PCDH11X: variants seen among roughly 807,000 people sequenced by gnomAD.
PCDH11X encodes protocadherin 11 X-linked, also known as protocadherin-11 X-linked.
PCDH11X carries 18 observed loss-of-function variants against 53.3 expected under a neutral mutation model. That is an observed-to-expected ratio of 0.34 (90% CI 0.23 to 0.50). The LOEUF is 0.50. Ranked by LOEUF, PCDH11X falls within the 20% of genes least tolerant of loss-of-function variation. The pLI, the probability that PCDH11X is intolerant of heterozygous loss-of-function variation, is 0.98. For synonymous variants in PCDH11X, 279 were observed against 393.3 expected (o/e 0.71, Z 3.44); for missense variants, 570 against 1,032.4 (o/e 0.55, Z 6.14).
chrX:92,527,903 A>G (rs1242868730), intron 10 of PCDH11X, among the ~76,000 whole-genome samples: 2 of 112,264 alleles, frequency 1.8e-5, no homozygotes, highest in African/African-American at 6.5e-5. Flanking sequence ...AACAAATTAT[A>G]GATTTATTAT....
At chrX:92,167,313 G>A (rs1348344425) in intron 6 of PCDH11X, among the ~76,000 whole-genome samples, 3 of 111,571 alleles carry the variant, frequency 2.7e-5, no homozygotes, top group African/African-American at 9.8e-5. Context: ...AAAAAAAATA[G>A]GCAAACTAGG....
At chrX:92,602,916 T>TA (rs1926392891) in intron 10 of PCDH11X, among the ~76,000 whole-genome samples, 1 of 83,839 alleles carries the variant, frequency 1.2e-5, no homozygotes, top group Non-Finnish European at 2.1e-5. Flanking sequence ...CAACAAAAAC[T>TA]AACTGTGAGA....
intron 8 of PCDH11X, among the ~76,000 whole-genome samples, chrX:92,281,255 T>C (rs1047493281): frequency 8.9e-6 from 1 of 111,978 alleles, no homozygotes; most frequent in African/African-American, 3.2e-5. Context: ...GTCCTTCTGA[T>C]AAACACACAT....
rs191351371 is a variant in PCDH11X, at chrX:91,927,496, C to A, written c.3033+48223C>A. Reference sequence around the variant, plus strand: ...ATCCAGCCTTTTAGCCTTTAGAGACCATGCTCTTGGCAATTAAACTATAAA... The same window carrying A: ...ATCCAGCCTTTTAGCCTTTAGAGACAATGCTCTTGGCAATTAAACTATAAA... On this transcript the variant is annotated intron_variant, in intron 6 of 10. Transcript: ENST00000682573. Among the ~76,000 whole-genome samples the A allele has an allele frequency of 6.7e-3, 738 of 110,576 alleles. 4 individuals are homozygous for A. The highest frequency in any genetic ancestry group is 0.022 in the African/African-American group (677 of 30,564).
intron 5 of PCDH11X, among the ~76,000 whole-genome samples, chrX:91,875,519 C>A (rs975009526): frequency 1.1e-4 from 12 of 108,911 alleles, no homozygotes; most frequent in Admixed American, 2.0e-4. Flanking sequence ...TCTCGATCTC[C>A]TGACCTCGTG....
chrX:91,932,669 T>TGA (rs1191068838), intron 6 of PCDH11X, among the ~76,000 whole-genome samples: 18 of 68,815 alleles, frequency 2.6e-4, no homozygotes, highest in Admixed American at 1.2e-3. Context: ...CTGCATTGTG[T>TGA]GAGTGTGTGT....
intron 7 of PCDH11X, among the ~76,000 whole-genome samples, chrX:92,245,525 A>T (rs1371536640): frequency 8.9e-6 from 1 of 112,663 alleles, no homozygotes; most frequent in African/African-American, 3.2e-5. Context: ...AGGAGACTCT[A>T]ATCTCTGTGA....
At chrX:92,157,920 A>G (rs905260927) in intron 6 of PCDH11X, among the ~76,000 whole-genome samples, 1 of 112,161 alleles carries the variant, frequency 8.9e-6, no homozygotes, top group African/African-American at 3.2e-5. Flanking sequence ...TCTGGACTAT[A>G]AAATATCAAG....
chrX:92,148,040 CCCTT>C lies in PCDH11X; in HGVS notation c.3034-53318_3034-53315del, dbSNP rs200620081. On this transcript the variant is annotated intron_variant, in intron 6 of 10. Coordinates refer to ENST00000682573, the MANE Select transcript of PCDH11X (RefSeq NM_032968.5). The stretch of plus-strand genomic sequence containing the variant: ...CCTTCCTTCCTTCCTTTCCTTCTTT[CCCTT>C]CCTTCCTTCCTTCCTTTCTTTCTTT... Among the ~76,000 whole-genome samples, 253 of 53,874 alleles carry C rather than the reference CCCTT, an allele frequency of 4.7e-3. 28 individuals carry two copies. Among genetic ancestry groups the C allele is most frequent in the African/African-American group, 0.027 (196 of 7,146 alleles). The allele number at this position is 53,874 out of a possible 115,157, so 46.8% of individuals were successfully genotyped here. A position where few individuals can be genotyped will look rare whatever the true frequency, so the allele number is the denominator to read the frequency against.
chrX:91,830,010 TAG>T (rs1361358439), intron 4 of PCDH11X, among the ~76,000 whole-genome samples: 1 of 110,959 alleles, frequency 9.0e-6, no homozygotes, highest in East Asian at 2.8e-4. Context: ...TGTGTGATGA[TAG>T]ACAAACGTTA....
At chrX:92,473,530 C>T (rs935772039) in intron 10 of PCDH11X, among the ~76,000 whole-genome samples, 3 of 110,915 alleles carry the variant, frequency 2.7e-5, no homozygotes, top group East Asian at 2.8e-4. Flanking sequence ...GTTTAAGATG[C>T]GTCGTTAGGT....
chrX:92,295,604 A>G (rs1396849532), intron 8 of PCDH11X, among the ~76,000 whole-genome samples: 1 of 109,959 alleles, frequency 9.1e-6, no homozygotes, highest in Non-Finnish European at 1.9e-5. Context: ...AAAGCACCCA[A>G]TCTTTCATCA....
chrX:92,124,579 G>T (rs867297582), intron 6 of PCDH11X, among the ~76,000 whole-genome samples: 1 of 107,514 alleles, frequency 9.3e-6, no homozygotes, highest in Admixed American at 1.0e-4. Context: ...GTATAATACC[G>T]CAAGAGGTGT....
At chrX:92,126,634 AAAATT>A (rs1307892697) in intron 6 of PCDH11X, among the ~76,000 whole-genome samples, 11 of 106,142 alleles carry the variant, frequency 1.0e-4, no homozygotes, top group Non-Finnish European at 1.7e-4. Context: ...AAAAAATAAA[AAAATT>A]AAAATAAATT....
At chrX:92,196,055 GA>G (rs2066287401) in intron 6 of PCDH11X, among the ~76,000 whole-genome samples, 1 of 111,851 alleles carries the variant, frequency 8.9e-6, no homozygotes, top group African/African-American at 3.2e-5. Context: ...TAACTTATAA[GA>G]AAGCTTATAG....
chrX:92,269,148 C>G (rs1238481238), intron 8 of PCDH11X, among the ~76,000 whole-genome samples: 1 of 111,358 alleles, frequency 9.0e-6, no homozygotes, highest in African/African-American at 3.3e-5. Context: ...GTAGGTTCTC[C>G]AATTACTCAG....
intron 6 of PCDH11X, among the ~76,000 whole-genome samples, chrX:91,985,153 T>A (rs2062208741): frequency 9.0e-6 from 1 of 110,866 alleles, no homozygotes; most frequent in Non-Finnish European, 1.9e-5. Flanking sequence ...CAGGAGAGTT[T>A]TCTGGTTATT....
chrX:92,154,915 A>G (rs2148247103), intron 6 of PCDH11X, among the ~76,000 whole-genome samples: 1 of 107,113 alleles, frequency 9.3e-6, no homozygotes, highest in Non-Finnish European at 1.9e-5. Context: ...CCAAGGCAGG[A>G]AACCCCGGGA....
chrX:92,335,194 T>C (rs1199233438), intron 8 of PCDH11X, among the ~76,000 whole-genome samples: 4 of 71,656 alleles, frequency 5.6e-5, no homozygotes, highest in African/African-American at 2.5e-4. Context: ...CTTGAATCTA[T>C]GTAAAATCAA....
Sources: gnomAD v4.1 joint callset for allele counts (sites outside exome capture counted in the v4.1 genomes callset) on GRCh38, gnomAD v4.1.1 for gene constraint, MANE v1.5 for transcripts, NCBI Gene and HGNC (gene_info 2026-07-23, HGNC 2026-07-21) for gene names.